Variants in GNAI2 observed in about 807,000 individuals in gnomAD.
GNAI2 encodes the protein G protein subunit alpha i2, also known as guanine nucleotide-binding protein G(i) subunit alpha-2.
In GNAI2, 4 loss-of-function variants were observed where a neutral mutation model predicts 36.8. The ratio of observed to expected loss-of-function variants is 0.11; its 90% CI spans 0.05 to 0.25. The LOEUF (loss-of-function observed/expected upper bound fraction) is 0.25. GNAI2 is among the 10% of genes least tolerant of loss of function. The pLI is 1.00. For missense variants in GNAI2, 230 were observed against 481.3 expected, an observed-to-expected ratio of 0.48 and a Z score of 4.89; for synonymous variants, 194 against 194.1, an observed-to-expected ratio of 1.00 and a Z score of 0.01.
intron 1 of GNAI2, among the ~76,000 whole-genome samples, chr3:50,250,591 G>A (rs1406641078): frequency 6.6e-6 from 1 of 152,208 alleles, no homozygotes; most frequent in Non-Finnish European, 1.5e-5. Context: ...AAGGACAGCA[G>A]GGCCCAGCTG....
intron 1 of GNAI2, among the ~76,000 whole-genome samples, chr3:50,250,527 C>T (rs1700528785): frequency 6.6e-6 from 1 of 152,138 alleles, no homozygotes; most frequent in South Asian, 2.1e-4. Flanking sequence ...AGAGGTAGTG[C>T]CTGGCAGCTG....
intron 1 of GNAI2, among the ~76,000 whole-genome samples, chr3:50,237,588 G>A (rs1426072043): frequency 6.6e-6 from 1 of 151,960 alleles, no homozygotes; most frequent in African/African-American, 2.4e-5. Flanking sequence ...CCCTGTGAAG[G>A]GGGATGGTGG....
intron 1 of GNAI2, chr3:50,251,829 G>C: frequency 7.9e-7 from 1 of 1,270,766 alleles, no homozygotes; most frequent in Non-Finnish European, 1.0e-6. Flanking sequence ...ACAGTGGGGA[G>C]CCATGGTGGG....
intron 1 of GNAI2, among the ~76,000 whole-genome samples, chr3:50,250,823 T>C (rs1451469216): frequency 6.6e-6 from 1 of 151,864 alleles, no homozygotes; most frequent in East Asian, 1.9e-4. Flanking sequence ...TTTTTTTTTT[T>C]TTTTAGACCA....
At chr3:50,227,915 A>T (rs1397875541), upstream of GNAI2, among the ~76,000 whole-genome samples, 1 of 152,152 alleles carries the variant, frequency 6.6e-6, no homozygotes. This position sits in a 1 kb window ranked among gnomAD's most constrained non-coding sequence, Gnocchi z 5.9. Flanking sequence ...AGGGCAAGGA[A>T]GGCTTCCTAG....
rs587644239 is a variant in GNAI2, at chr3:50,257,612, C to A, written c.990C>A (p.Thr330=). 3.5e-5 allele frequency: 56 copies of A among 1,611,084 alleles called. 1 individual carries two copies. The South Asian group carries it at 5.4e-4, about 16-fold the overall frequency. Residue 330 remains threonine (T), a synonymous_variant, in exon 8 of 9, where the codon ACC becomes ACA. Coordinates refer to ENST00000313601, the MANE Select transcript of GNAI2 (RefSeq NM_002070.4). ...IYTHFTCATD[T]KNVQFVFDAV... ...CGCACTTCACGTGCGCCACCGACAC[C>A]AAGAACGTGCAGTTCGTGTTTGACG...
rs587629047 is a variant in GNAI2 at position 50,253,243 on chromosome 3, G to A, written c.464+59G>A. The A allele has an allele frequency of 2.9e-6, 4 of 1,392,148 alleles. No homozygotes were observed. In the East Asian group the frequency reaches 7.0e-5, roughly 24 times the overall value. 86.2% of individuals were successfully genotyped at this position (1,392,148 alleles called of 1,614,324 possible). ...AGGGGCTGGGGGAGGACTAAAGGCT[G>A]GACCGGAGGGCCTGAGAACCCCCAG... On this transcript the variant is annotated intron_variant, in intron 4 of 8. Coordinates refer to ENST00000313601, the MANE Select transcript of GNAI2 (RefSeq NM_002070.4). The surrounding 1 kb of genome is among the most constrained non-coding windows in gnomAD (Gnocchi z 4.2).
At chr3:50,249,433 G>A (rs1215392967) in intron 1 of GNAI2, among the ~76,000 whole-genome samples, 3 of 152,154 alleles carry the variant, frequency 2.0e-5, no homozygotes, top group Non-Finnish European at 2.9e-5. Context: ...GTGGAGGAGT[G>A]TTGGTATGCA....
intron 1 of GNAI2, among the ~76,000 whole-genome samples, chr3:50,240,784 T>C (rs1700280699): frequency 6.6e-6 from 1 of 151,376 alleles, no homozygotes; most frequent in African/African-American, 2.4e-5. Context: ...CCAGGTATGG[T>C]GGTATGTGCC....
rs587716601 is a variant in GNAI2 at position 50,242,170 on chromosome 3, C to G, written c.118+5717C>G. 1.1e-4 allele frequency among the ~76,000 whole-genome samples: 16 copies of G among 152,268 alleles called. No homozygotes were observed. The highest frequency in any genetic ancestry group is 3.4e-4 in the African/African-American group (14 of 41,544). ...GGAGGAAGCTTTGTCCACCCAAGCT[C>G]TTAGCCACTGAGGAACCAGGGACTC... is the stretch of plus-strand genomic sequence containing the variant. On this transcript the variant is annotated intron_variant, in intron 1 of 8. Coordinates refer to ENST00000313601, the MANE Select transcript of GNAI2 (RefSeq NM_002070.4). The surrounding 1 kb of genome is among the most constrained non-coding windows in gnomAD (Gnocchi z 4.8).
At chr3:50,245,407 C>A (rs955065340) in intron 1 of GNAI2, among the ~76,000 whole-genome samples, 1 of 152,224 alleles carries the variant, frequency 6.6e-6, no homozygotes, top group Non-Finnish European at 1.5e-5. Context: ...CTACTCAGGG[C>A]AGGCCTTGGG....
chr3:50,256,159 GC>G, intron 4 of GNAI2, 32 bp from the exon 5 acceptor site: 1 of 1,305,534 alleles, frequency 7.7e-7, no homozygotes, highest in Non-Finnish European at 1.1e-6. Flanking sequence ...CCCCATGCTG[GC>G]CCCCACTGAC....
At chr3:50,246,756 C>A in intron 1 of GNAI2, 1 of 482,234 alleles carries the variant, frequency 2.1e-6, no homozygotes, top group Non-Finnish European at 3.5e-6. Flanking sequence ...GGAGGTGTGC[C>A]TGGCTTTCTG....
intron 1 of GNAI2, among the ~76,000 whole-genome samples, chr3:50,237,436 T>C (rs1247512214): frequency 6.6e-6 from 1 of 151,918 alleles, no homozygotes; most frequent in African/African-American, 2.4e-5. Flanking sequence ...GAAGTGGAAG[T>C]GGTGAGACAG....
chr3:50,250,470 G>A (rs1382718524), intron 1 of GNAI2, among the ~76,000 whole-genome samples: 1 of 152,190 alleles, frequency 6.6e-6, no homozygotes, highest in African/African-American at 2.4e-5. Context: ...CATGGGGCAC[G>A]TATTCCCGGC....
Position 50,252,487 on chromosome 3 carries a change from T to C in GNAI2, c.252T>C (p.Ile84=). 6.2e-7 allele frequency: 1 copy of C among 1,612,032 alleles called. No individual in the cohort carries two copies. Among genetic ancestry groups the C allele is most frequent in the Non-Finnish European group, 8.5e-7 (1 of 1,178,346 alleles). The change falls in exon 3 of 9, where the codon ATT becomes ATC. Residue 84 remains isoleucine (I), a synonymous_variant. Transcript: ENST00000313601. This position sits in a 1 kb window ranked among gnomAD's most constrained non-coding sequence, Gnocchi z 4.1. ...YSNTIQSIMA[I]VKAMGNLQID... ...ACACCATCCAGTCCATCATGGCCATTGTCAAAGCCATGGGCAACCTGCAGA... is the reference window on the plus strand; with the variant it reads ...ACACCATCCAGTCCATCATGGCCATCGTCAAAGCCATGGGCAACCTGCAGA...
At chr3:50,245,787 T>A (rs1347796108) in intron 1 of GNAI2, among the ~76,000 whole-genome samples, 4 of 152,230 alleles carry the variant, frequency 2.6e-5, no homozygotes, top group African/African-American at 9.6e-5. Context: ...CCAGAAAGAC[T>A]TTCCCATGTG....
intron 1 of GNAI2, among the ~76,000 whole-genome samples, chr3:50,246,407 A>T (rs2109198658): frequency 1.3e-5 from 2 of 152,276 alleles, no homozygotes; most frequent in East Asian, 3.9e-4. Context: ...ACTGCAGGGG[A>T]CGTGGGGGTG....
At chr3:50,254,253 A>G (rs587626908) in intron 4 of GNAI2, among the ~76,000 whole-genome samples, 72 of 152,268 alleles carry the variant, frequency 4.7e-4, no homozygotes, top group African/African-American at 1.7e-3. Flanking sequence ...GCTAATAGCC[A>G]TTGAGGATGG....
Sources: gnomAD v4.1 joint callset for allele counts (sites outside exome capture counted in the v4.1 genomes callset) on GRCh38, gnomAD v4.1.1 for gene constraint, Gnocchi (gnomAD v3.1) non-coding constraint, MANE v1.5 for transcripts, NCBI Gene and HGNC (gene_info 2026-07-23, HGNC 2026-07-21) for gene names.